The following LSM8 variants were observed in gnomAD, a reference collection of about 807,000 sequenced individuals.
LSM8 encodes LSM8 U6 small nuclear RNA associated.
Under a neutral mutation model 15.0 loss-of-function variants are expected in LSM8, and 14 were observed. The observed-to-expected ratio is 0.93, with a 90% CI of 0.62 to 1.46. LSM8 has a LOEUF of 1.46. Ranked by LOEUF, LSM8 falls within the 40% of genes most tolerant of loss-of-function variation. The pLI, the probability that LSM8 is intolerant of heterozygous loss-of-function variation, is 0.00. For synonymous variants in LSM8, 50 were observed against 42.1 expected, an observed-to-expected ratio of 1.19 and a Z score of -0.73; for missense variants, 90 against 115.4, an observed-to-expected ratio of 0.78 and a Z score of 1.01.
chr7:118,189,258 T>TA (rs1808936191), intron 3 of LSM8: 1 of 127,278 alleles, frequency 7.9e-6, no homozygotes. Flanking sequence ...AGACACCAAT[T>TA]CAAAAAAAAA....
At position 118,202,157 on chromosome 7, in the gene LSM8, T is replaced by C. The variant is rs531824692; in HGVS notation, c.*10155T>C. Among the ~76,000 whole-genome samples, 3 of 152,048 alleles carry C rather than the reference T, an allele frequency of 2.0e-5. No homozygotes were observed. Among genetic ancestry groups the C allele is most frequent in the Non-Finnish European group, 4.4e-5 (3 of 67,982 alleles). On this transcript the variant is annotated 3_prime_UTR_variant, in exon 4 of 4. Transcript: ENST00000249299. ...TGTCTTGAAATAGATACATTGGCAGTTTTTTTGTTTTTGTTTTTGCTTGTG... is the reference window on the plus strand; with the variant it reads ...TGTCTTGAAATAGATACATTGGCAGCTTTTTTGTTTTTGTTTTTGCTTGTG...
chr7:118,195,893 C>T lies in LSM8; in HGVS notation c.*3891C>T, dbSNP rs1241867945. On this transcript the variant is annotated 3_prime_UTR_variant, in exon 4 of 4. Coordinates refer to ENST00000249299, the MANE Select transcript of LSM8 (RefSeq NM_016200.5). ...TACCCATTAAATAGCATAGTGCTCC[C>T]ATTAAACTAGCGACAAATTCATTTA... Among the ~76,000 whole-genome samples, 1 of 152,034 alleles carries T rather than the reference C, an allele frequency of 6.6e-6. No homozygotes were observed. The highest frequency in any genetic ancestry group is 6.6e-5 in the Admixed American group (1 of 15,262).
chr7:118,199,721 TC>T lies in LSM8; in HGVS notation c.*7720del, dbSNP rs1809140491. 6.6e-6 allele frequency among the ~76,000 whole-genome samples: 1 copy of T among 152,074 alleles called. No homozygotes were observed. The highest frequency in any genetic ancestry group is 2.1e-4 in the South Asian group (1 of 4,824). ...TAACCAAAGACTTAAAAGATACTAGTCTTTAAGACAGGCTTTGAGAAATTCA... is the reference window on the plus strand; with the variant it reads ...TAACCAAAGACTTAAAAGATACTAGTTTTAAGACAGGCTTTGAGAAATTCA... On this transcript the variant is annotated 3_prime_UTR_variant, in exon 4 of 4. Transcript: ENST00000249299.
chr7:118,185,511 T>C, intron 1 of LSM8, 143 bp from the exon 2 acceptor site: 2 of 723,104 alleles, frequency 2.8e-6, no homozygotes, highest in Non-Finnish European at 2.3e-6. Flanking sequence ...ACTTTTAACG[T>C]TTTTATGTAG....
chr7:118,187,722 A>G (rs1278793053), intron 2 of LSM8, among the ~76,000 whole-genome samples: 4 of 152,212 alleles, frequency 2.6e-5, no homozygotes, highest in Admixed American at 1.3e-4. Context: ...CCATGTGATC[A>G]TAAGACACAC....
In LSM8 at chr7:118,194,208, TTA is replaced by T. The variant is rs201273407; in HGVS notation, c.*2209_*2210del. ...CATTTATTCTATAATCAGTTCTTAT[TTA>T]TAAAGAGGCGCAAATCAATTTCAAC... On this transcript the variant is annotated 3_prime_UTR_variant, in exon 4 of 4. Coordinates refer to ENST00000249299, the MANE Select transcript of LSM8 (RefSeq NM_016200.5). Among the ~76,000 whole-genome samples, 4 of 146,554 alleles carry T rather than the reference TTA, an allele frequency of 2.7e-5. No individual in the cohort carries two copies. The highest frequency in any genetic ancestry group is 1.0e-4 in the African/African-American group (4 of 39,868).
rs557814752 is a variant in LSM8, at chr7:118,195,307, A to T, written c.*3305A>T. Among the ~76,000 whole-genome samples the T allele has an allele frequency of 6.6e-6, 1 of 152,334 alleles. No individual in the cohort carries two copies. The highest frequency in any genetic ancestry group is 1.9e-4 in the East Asian group (1 of 5,186). On this transcript the variant is annotated 3_prime_UTR_variant, in exon 4 of 4. Transcript: ENST00000249299. ...TTTCAAACACAGGATCTTATTCAAGATAAGGATAATAACAGCTATCTTCTT... is the reference window on the plus strand; with the variant it reads ...TTTCAAACACAGGATCTTATTCAAGTTAAGGATAATAACAGCTATCTTCTT...
At position 118,198,972 on chromosome 7, in the gene LSM8, C is replaced by A. The variant is rs779244642; in HGVS notation, c.*6970C>A. 6.6e-6 allele frequency among the ~76,000 whole-genome samples: 1 copy of A among 152,146 alleles called. No homozygotes were observed. Among genetic ancestry groups the A allele is most frequent in the African/African-American group, 2.4e-5 (1 of 41,432 alleles). On this transcript the variant is annotated 3_prime_UTR_variant, in exon 4 of 4. Coordinates refer to ENST00000249299, the MANE Select transcript of LSM8 (RefSeq NM_016200.5). Reference sequence around the variant, plus strand: ...TGAACCCTCATAAAAACCCTGAACACCAAGGCTCAAGAGAGCTTATTAGCA... The same window carrying A: ...TGAACCCTCATAAAAACCCTGAACAACAAGGCTCAAGAGAGCTTATTAGCA...
At position 118,194,399 on chromosome 7, in the gene LSM8, T is replaced by TAA. The variant is rs1300155911; in HGVS notation, c.*2398_*2399dup. Among the ~76,000 whole-genome samples, 1 of 151,880 alleles carries TAA rather than the reference T, an allele frequency of 6.6e-6. No homozygotes were observed. Among genetic ancestry groups the TAA allele is most frequent in the African/African-American group, 2.4e-5 (1 of 41,366 alleles). Reference sequence around the variant, plus strand: ...TTAACTGACAAGATACTATCTAAACTAATAGTTTAAAATAACATTGCTTTT... The same window carrying TAA: ...TTAACTGACAAGATACTATCTAAACTAAAATAGTTTAAAATAACATTGCTTTT... On this transcript the variant is annotated 3_prime_UTR_variant, in exon 4 of 4. Coordinates refer to ENST00000249299, the MANE Select transcript of LSM8 (RefSeq NM_016200.5).
At chr7:118,186,057 G>A (rs1055263799) in intron 2 of LSM8, among the ~76,000 whole-genome samples, 4 of 151,990 alleles carry the variant, frequency 2.6e-5, no homozygotes, top group African/African-American at 9.7e-5. Context: ...TAATGATTTA[G>A]ATACTATTAA....
chr7:118,188,692 G>T (rs1415953695), intron 3 of LSM8: 1 of 215,108 alleles, frequency 4.6e-6, no homozygotes, highest in Non-Finnish European at 9.2e-6. Flanking sequence ...GTAGAGTCCA[G>T]AAAGGGCTCT....
chr7:118,184,472 A>G, intron 1 of LSM8: 2 of 466,566 alleles, frequency 4.3e-6, no homozygotes, highest in Non-Finnish European at 7.4e-6. Context: ...AAACCCAAAT[A>G]AAAACCCAGT....
In LSM8 at chr7:118,198,754, C is replaced by T. The variant is rs2115940126; in HGVS notation, c.*6752C>T. Among the ~76,000 whole-genome samples, 1 of 152,214 alleles carries T rather than the reference C, an allele frequency of 6.6e-6. No homozygotes were observed. The highest frequency in any genetic ancestry group is 1.9e-4 in the East Asian group (1 of 5,180). ...TCTCTGTACAGTAAAGGCTCAAATC[C>T]TTTTTATTGCAAAGAAAGGACCTGT... On this transcript the variant is annotated 3_prime_UTR_variant, in exon 4 of 4. Coordinates refer to ENST00000249299, the MANE Select transcript of LSM8 (RefSeq NM_016200.5).
rs1022867419 is a variant in LSM8, at chr7:118,193,065, GTTTA to G, written c.*1067_*1070del. ...CTTGTAATTGAAACAAATTTAAATAGTTTATTTGTTTTGTTTTTATGAAAGTGCT... is the reference window on the plus strand; with the variant it reads ...CTTGTAATTGAAACAAATTTAAATAGTTTGTTTTGTTTTTATGAAAGTGCT... On this transcript the variant is annotated 3_prime_UTR_variant, in exon 4 of 4. Transcript: ENST00000249299. 6.6e-5 allele frequency among the ~76,000 whole-genome samples: 10 copies of G among 152,068 alleles called. No homozygotes were observed. The highest frequency in any genetic ancestry group is 2.2e-4 in the African/African-American group (9 of 41,434).
At position 118,185,654 on chromosome 7, in the gene LSM8, G is replaced by T; in HGVS notation, c.32G>T (p.Arg11Leu). The T allele has an allele frequency of 6.2e-7, 1 of 1,609,100 alleles. No individual in the cohort carries two copies. The highest frequency in any genetic ancestry group is 8.5e-7 in the Non-Finnish European group (1 of 1,175,716). Residue 11 changes from arginine to leucine, a missense_variant and splice_region_variant, in exon 2 of 4, where the codon CGA becomes CTA. Physicochemically the swap from Arg to Leu is moderately radical, Grantham distance 102. Coordinates refer to ENST00000249299, the MANE Select transcript of LSM8 (RefSeq NM_016200.5). MTSALENYIN[R>L]TVAVITSDGR... ...ACACTTTCTTTGATTCAGTTATCAG[G>T]AACTGTTGCCGTTATTACATCAGAT...
In LSM8 at chr7:118,200,708, T is replaced by C. The variant is rs1809159049; in HGVS notation, c.*8706T>C. ...TTTAATTAATTGATAAATCACATTG[T>C]ACTTTATAAGAGTTTATTCCTTAAG... On this transcript the variant is annotated 3_prime_UTR_variant, in exon 4 of 4. Coordinates refer to ENST00000249299, the MANE Select transcript of LSM8 (RefSeq NM_016200.5). Among the ~76,000 whole-genome samples, 1 of 152,126 alleles carries C rather than the reference T, an allele frequency of 6.6e-6. No individual in the cohort carries two copies. The highest frequency in any genetic ancestry group is 1.5e-5 in the Non-Finnish European group (1 of 68,002).
chr7:118,186,585 A>G (rs1161529700), intron 2 of LSM8, among the ~76,000 whole-genome samples: 3 of 152,132 alleles, frequency 2.0e-5, no homozygotes, highest in Non-Finnish European at 4.4e-5. Context: ...TATATGTTAC[A>G]TTATTTAATG....
At position 118,198,263 on chromosome 7, in the gene LSM8, A is replaced by G. The variant is rs1223737625; in HGVS notation, c.*6261A>G. On this transcript the variant is annotated 3_prime_UTR_variant, in exon 4 of 4. Coordinates refer to ENST00000249299, the MANE Select transcript of LSM8 (RefSeq NM_016200.5). The stretch of plus-strand genomic sequence containing the variant: ...AAAGGTTAGATTTCTTTGGTGTGAA[A>G]AGATAAATGAGAAATGAGAATATGC... Among the ~76,000 whole-genome samples, 2 of 152,202 alleles carry G rather than the reference A, an allele frequency of 1.3e-5. No homozygotes were observed. Among genetic ancestry groups the G allele is most frequent in the East Asian group, 3.9e-4 (2 of 5,194 alleles).
At position 118,198,972 on chromosome 7, in the gene LSM8, C is replaced by T. The variant is rs779244642; in HGVS notation, c.*6970C>T. On this transcript the variant is annotated 3_prime_UTR_variant, in exon 4 of 4. Transcript: ENST00000249299. ...TGAACCCTCATAAAAACCCTGAACA[C>T]CAAGGCTCAAGAGAGCTTATTAGCA... 6.6e-6 allele frequency among the ~76,000 whole-genome samples: 1 copy of T among 152,146 alleles called. No homozygotes were observed. Among genetic ancestry groups the T allele is most frequent in the South Asian group, 2.1e-4 (1 of 4,828 alleles).
Sources: allele counts gnomAD v4.1 joint callset (sites outside exome capture counted in the v4.1 genomes callset), GRCh38; gene constraint gnomAD v4.1.1; transcripts MANE v1.5; gene names NCBI Gene and HGNC (gene_info 2026-07-23, HGNC 2026-07-21).